RBM47: variants seen among roughly 807,000 people sequenced by gnomAD.
RBM47 encodes the protein RNA-binding protein 47.
In RBM47, 21 loss-of-function variants were observed where a neutral mutation model predicts 47.1. The ratio of observed to expected loss-of-function variants is 0.45; its 90% CI spans 0.32 to 0.64. The LOEUF (loss-of-function observed/expected upper bound fraction) is 0.64. Among genes scored for constraint, RBM47 ranks in the 30% least tolerant of loss-of-function variants. RBM47 has a pLI of 0.05. For missense variants in RBM47, 708 were observed against 870.9 expected (o/e 0.81, Z 2.35); for synonymous variants, 375 against 361.7 (o/e 1.04, Z -0.42).
intron 2 of RBM47, among the ~76,000 whole-genome samples, chr4:40,480,855 A>C (rs145390520): frequency 9.8e-5 from 15 of 152,320 alleles, no homozygotes; most frequent in Non-Finnish European, 1.9e-4. Flanking sequence ...TAAAAAGAGA[A>C]AGTTCAGAAT....
At chr4:40,434,324 G>T (rs957342905) in intron 5 of RBM47, among the ~76,000 whole-genome samples, 14 of 152,026 alleles carry the variant, frequency 9.2e-5, no homozygotes, top group Non-Finnish European at 2.1e-4. Context: ...TCATTTTCTG[G>T]ATGATCAGAA....
chr4:40,602,284 G>A (rs952273966), intron 1 of RBM47, among the ~76,000 whole-genome samples: 1 of 152,164 alleles, frequency 6.6e-6, no homozygotes, highest in African/African-American at 2.4e-5. Context: ...AGAGGAAACA[G>A]AATGACTCCA....
intron 1 of RBM47, among the ~76,000 whole-genome samples, chr4:40,554,904 G>A (rs1296720042): frequency 6.6e-6 from 1 of 151,676 alleles, no homozygotes; most frequent in Non-Finnish European, 1.5e-5. Context: ...TGGGACTGCA[G>A]GCACGCACCA....
At chr4:40,427,911 C>T (rs902901825) in intron 6 of RBM47, among the ~76,000 whole-genome samples, 10 of 151,874 alleles carry the variant, frequency 6.6e-5, no homozygotes, top group African/African-American at 1.9e-4. Flanking sequence ...AACTCAGAGG[C>T]TGGGTGAGGT....
At chr4:40,495,935 T>A (rs558092639) in intron 2 of RBM47, among the ~76,000 whole-genome samples, 10 of 152,330 alleles carry the variant, frequency 6.6e-5, no homozygotes, top group Admixed American at 5.2e-4. Context: ...GCCGCTTACA[T>A]GCTGCCCTGA....
At chr4:40,577,263 T>A (rs1251221081) in intron 1 of RBM47, among the ~76,000 whole-genome samples, 1 of 152,196 alleles carries the variant, frequency 6.6e-6, no homozygotes, top group Non-Finnish European at 1.5e-5. Flanking sequence ...GAACCCCATC[T>A]AGCCAATGCC....
chr4:40,494,141 C>T (rs573127890), intron 2 of RBM47, among the ~76,000 whole-genome samples: 1 of 152,242 alleles, frequency 6.6e-6, no homozygotes, highest in South Asian at 2.1e-4. Flanking sequence ...CAAAATTGAA[C>T]TTACAACAAG....
intron 1 of RBM47, among the ~76,000 whole-genome samples, chr4:40,592,161 C>A (rs1734203745): frequency 6.6e-6 from 1 of 152,168 alleles, no homozygotes; most frequent in Admixed American, 6.6e-5. Flanking sequence ...CAAAAACTAG[C>A]ATCAAAGTAG....
chr4:40,533,662 A>G (rs1263927091), intron 2 of RBM47, among the ~76,000 whole-genome samples: 1 of 151,826 alleles, frequency 6.6e-6, no homozygotes, highest in African/African-American at 2.4e-5. Context: ...TTGAGACTGG[A>G]TCTCAGTCTG....
At chr4:40,520,207 C>T (rs1206289325) in intron 2 of RBM47, among the ~76,000 whole-genome samples, 1 of 152,156 alleles carries the variant, frequency 6.6e-6, no homozygotes, top group East Asian at 1.9e-4. Context: ...GCACTTGGCA[C>T]ATAAAAGTCT....
At chr4:40,501,491 T>C (rs1018418436) in intron 2 of RBM47, among the ~76,000 whole-genome samples, 2 of 152,262 alleles carry the variant, frequency 1.3e-5, no homozygotes, top group South Asian at 4.1e-4. Context: ...GGAAACACTC[T>C]GCGTCTGCAC....
At chr4:40,435,153 C>A (rs1712132310) in intron 5 of RBM47, among the ~76,000 whole-genome samples, 1 of 152,130 alleles carries the variant, frequency 6.6e-6, no homozygotes, top group South Asian at 2.1e-4. Flanking sequence ...AGTTCAGGGT[C>A]CCTGGCTTGA....
chr4:40,510,162 G>A (rs1430028656), intron 2 of RBM47, among the ~76,000 whole-genome samples: 2 of 148,062 alleles, frequency 1.4e-5, no homozygotes, highest in Non-Finnish European at 3.0e-5. Context: ...ACTCCAGCCT[G>A]GGCAACAAGA....
intron 2 of RBM47, among the ~76,000 whole-genome samples, chr4:40,499,147 G>A (rs1296963253): frequency 6.6e-5 from 10 of 152,138 alleles, no homozygotes; most frequent in African/African-American, 2.4e-4. Context: ...TCTGTGTGAT[G>A]GGTATATTGG....
At chr4:40,479,741 GA>G (rs1379885020) in intron 2 of RBM47, among the ~76,000 whole-genome samples, 1 of 152,014 alleles carries the variant, frequency 6.6e-6, no homozygotes, top group Non-Finnish European at 1.5e-5. Context: ...GGGCTCAAGC[GA>G]TCCTCCTCCC....
intron 1 of RBM47, among the ~76,000 whole-genome samples, chr4:40,626,091 T>C (rs1737710375): frequency 6.6e-6 from 1 of 152,250 alleles, no homozygotes; most frequent in African/African-American, 2.4e-5. Flanking sequence ...TACAAACACA[T>C]AAACCATATG....
intron 1 of RBM47, among the ~76,000 whole-genome samples, chr4:40,566,581 G>A (rs945373422): frequency 6.6e-6 from 1 of 151,992 alleles, no homozygotes; most frequent in Non-Finnish European, 1.5e-5. Context: ...GGAGGCAGAG[G>A]TTGCAGTGAG....
At chr4:40,481,477 ATTATTATTATTT>A (rs1328009485) in intron 2 of RBM47, among the ~76,000 whole-genome samples, 4,746 of 114,676 alleles carry the variant, frequency 0.041, 124 homozygotes, top group South Asian at 0.082. Context: ...TATTATTATT[ATTATTATTATTT>A]TTATTTTTAT....
chr4:40,487,190 A>G (rs1425349085), intron 2 of RBM47, among the ~76,000 whole-genome samples: 3 of 152,212 alleles, frequency 2.0e-5, no homozygotes. Flanking sequence ...TGGAACCGAA[A>G]GCAACAAAAA....
Sources: gnomAD v4.1 joint callset for allele counts (sites outside exome capture counted in the v4.1 genomes callset) on GRCh38, gnomAD v4.1.1 for gene constraint, MANE v1.5 for transcripts, NCBI Gene and HGNC (gene_info 2026-07-23, HGNC 2026-07-21) for gene names.